The following AGBL4 variants were observed in gnomAD, a reference collection of about 807,000 sequenced individuals.
AGBL4 encodes AGBL carboxypeptidase 4.
In AGBL4, 58 loss-of-function variants were observed where a neutral mutation model predicts 66.4. The ratio of observed to expected loss-of-function variants is 0.87; its 90% CI spans 0.71 to 1.09. The LOEUF is 1.09. AGBL4 is among the 50% of genes least tolerant of loss of function. The probability of loss-of-function intolerance (pLI) is 0.00; values close to 1 mark genes in which losing one functional copy is unlikely to be tolerated. For missense variants in AGBL4, 579 were observed against 631.0 expected (o/e 0.92, Z 0.88); for synonymous variants, 234 against 222.9 (o/e 1.05, Z -0.44).
intron 3 of AGBL4, among the ~76,000 whole-genome samples, chr1:49,650,089 T>TCTGCTTA (rs1645971892): frequency 1.3e-5 from 2 of 152,196 alleles, no homozygotes; most frequent in African/African-American, 4.8e-5. Flanking sequence ...AATATTTGAA[T>TCTGCTTA]CCAAAGTAAG....
intron 6 of AGBL4, among the ~76,000 whole-genome samples, chr1:48,858,408 C>T (rs1331083909): frequency 6.6e-6 from 1 of 152,108 alleles, no homozygotes; most frequent in Non-Finnish European, 1.5e-5. Context: ...TTCGTAAAAT[C>T]CCCAAATGGA....
At chr1:49,454,215 C>T (rs1646341130) in intron 3 of AGBL4, among the ~76,000 whole-genome samples, 1 of 151,748 alleles carries the variant, frequency 6.6e-6, no homozygotes, top group Non-Finnish European at 1.5e-5. Flanking sequence ...AGGGAACCAG[C>T]AGAGCATTGA....
intron 5 of AGBL4, among the ~76,000 whole-genome samples, chr1:48,889,000 G>A (rs536868805): frequency 3.3e-5 from 5 of 152,272 alleles, no homozygotes; most frequent in Admixed American, 3.3e-4. Flanking sequence ...TTTATTTCCA[G>A]ACCCTCCAAC....
At chr1:49,141,021 G>A (rs1049211876) in intron 4 of AGBL4, among the ~76,000 whole-genome samples, 4 of 152,098 alleles carry the variant, frequency 2.6e-5, no homozygotes, top group Non-Finnish European at 5.9e-5. Flanking sequence ...ATAAAATCAA[G>A]AGGGAAACTC....
chr1:48,783,336 C>T (rs533334728), intron 6 of AGBL4, among the ~76,000 whole-genome samples: 2 of 152,176 alleles, frequency 1.3e-5, no homozygotes, highest in East Asian at 3.9e-4. Context: ...ATTGAGTCTG[C>T]TTGTGGGATT....
intron 3 of AGBL4, among the ~76,000 whole-genome samples, chr1:49,351,461 A>G (rs1643906103): frequency 6.6e-6 from 1 of 152,040 alleles, no homozygotes; most frequent in African/African-American, 2.4e-5. Context: ...ATATGTATAT[A>G]TATATATATA....
chr1:49,564,216 G>A (rs950611413), intron 3 of AGBL4, among the ~76,000 whole-genome samples: 1 of 151,908 alleles, frequency 6.6e-6, no homozygotes, highest in Non-Finnish European at 1.5e-5. Context: ...TATTAGTCTT[G>A]CTAGCAGTCT....
intron 3 of AGBL4, among the ~76,000 whole-genome samples, chr1:49,644,810 G>T (rs1431304295): frequency 6.6e-6 from 1 of 151,330 alleles, no homozygotes; most frequent in Non-Finnish European, 1.5e-5. Context: ...AAACAGTAGG[G>T]TTCAAATCCT....
intron 3 of AGBL4, among the ~76,000 whole-genome samples, chr1:49,254,561 A>G (rs1190123136): frequency 7.2e-5 from 11 of 152,192 alleles, no homozygotes; most frequent in Admixed American, 7.2e-4. Context: ...GATAGGAAGA[A>G]TCAATATTGT....
intron 2 of AGBL4, among the ~76,000 whole-genome samples, chr1:49,706,349 T>C (rs1647220320): frequency 6.6e-6 from 1 of 152,034 alleles, no homozygotes. Context: ...GGTGTTTAAA[T>C]TATTCTCTGA....
chr1:48,785,101 C>T (rs912786751), intron 6 of AGBL4, among the ~76,000 whole-genome samples: 1 of 152,170 alleles, frequency 6.6e-6, no homozygotes, highest in East Asian at 1.9e-4. Flanking sequence ...AAAGTCCTCC[C>T]TGACTCACTC....
chr1:49,273,993 A>G lies in AGBL4; in HGVS notation c.283-28129T>C, dbSNP rs112156171. On this transcript the variant is annotated intron_variant, in intron 3 of 13. Transcript: ENST00000371839. ...CACCATGCCCAGCTGATTTTTGTTT[A>G]CTTTTAAATAAACGCCCAAAAAAGA... Among the ~76,000 whole-genome samples the G allele has an allele frequency of 3.6e-3, 545 of 152,152 alleles. 5 individuals carry two copies. The highest frequency in any genetic ancestry group is 0.013 in the African/African-American group (524 of 41,542).
chr1:49,950,112 GTA>G (rs1656001857), intron 1 of AGBL4, among the ~76,000 whole-genome samples: 1 of 132,102 alleles, frequency 7.6e-6, no homozygotes, highest in Non-Finnish European at 1.6e-5. Context: ...ATATACATAT[GTA>G]TATACACATA....
rs559632368 is a variant in AGBL4 at position 49,559,386 on chromosome 1, GCAGATA to G, written c.282+137921_282+137926del. On this transcript the variant is annotated intron_variant, in intron 3 of 13. Transcript: ENST00000371839. ...TACTAGGCTTGGGATGTCATCTAAA[GCAGATA>G]CAGCTTAAATTATGTGATGGTTAAT... Among the ~76,000 whole-genome samples, 52 of 152,240 alleles carry G rather than the reference GCAGATA, an allele frequency of 3.4e-4. 2 individuals are homozygous for G. In the South Asian group the frequency reaches 9.8e-3, roughly 29 times the overall value.
chr1:48,561,631 T>C (rs1644398207), intron 11 of AGBL4, among the ~76,000 whole-genome samples: 2 of 152,230 alleles, frequency 1.3e-5, no homozygotes, highest in African/African-American at 4.8e-5. Flanking sequence ...CCCTCCCTGA[T>C]ATGGGTGGGC....
At chr1:49,569,084 T>A (rs369681418) in intron 3 of AGBL4, among the ~76,000 whole-genome samples, 3 of 152,180 alleles carry the variant, frequency 2.0e-5, no homozygotes, top group Non-Finnish European at 4.4e-5. Context: ...TGCAACAACA[T>A]GAATGGAACT....
chr1:49,475,563 TTG>T (rs1310574631), intron 3 of AGBL4, among the ~76,000 whole-genome samples: 3 of 152,028 alleles, frequency 2.0e-5, no homozygotes, highest in Admixed American at 2.0e-4. Flanking sequence ...CGTCCAGGGC[TTG>T]TGTTTGTTGT....
At chr1:48,951,371 G>A (rs915280443) in intron 5 of AGBL4, among the ~76,000 whole-genome samples, 5 of 152,180 alleles carry the variant, frequency 3.3e-5, no homozygotes, top group Non-Finnish European at 5.9e-5. Context: ...AAGCTCCTGT[G>A]TTTTACCTAA....
intron 4 of AGBL4, among the ~76,000 whole-genome samples, chr1:49,064,812 T>C (rs956065905): frequency 1.3e-5 from 2 of 152,140 alleles, no homozygotes; most frequent in African/African-American, 4.8e-5. Flanking sequence ...TGAAAAGCAA[T>C]TTCTCCAACT....
Sources: allele counts gnomAD v4.1 joint callset (sites outside exome capture counted in the v4.1 genomes callset), GRCh38; gene constraint gnomAD v4.1.1; transcripts MANE v1.5; gene names NCBI Gene and HGNC (gene_info 2026-07-23, HGNC 2026-07-21).